Variants in BICRAL observed in about 807,000 individuals in gnomAD.
BICRAL encodes the protein BICRA like chromatin remodeling complex associated protein.
BICRAL carries 8 observed loss-of-function variants against 91.8 expected under a neutral mutation model. The observed-to-expected ratio is 0.09, with a 90% CI of 0.05 to 0.16. BICRAL has a LOEUF of 0.16. BICRAL is among the 10% of genes least tolerant of loss of function. The pLI, the probability that BICRAL is intolerant of heterozygous loss-of-function variation, is 1.00. For synonymous variants in BICRAL, 445 were observed against 491.1 expected, an observed-to-expected ratio of 0.91 and a Z score of 1.24; for missense variants, 1,038 against 1,310.9, an observed-to-expected ratio of 0.79 and a Z score of 3.21.
chr6:42,780,586 T>C (rs1262077042), upstream of BICRAL, among the ~76,000 whole-genome samples: 1 of 152,186 alleles, frequency 6.6e-6, no homozygotes, highest in African/African-American at 2.4e-5. Flanking sequence ...AAAACCTGAA[T>C]TACATTCTGT....
At chr6:42,782,679 CATTG>C (rs1410021686) in intron 1 of BICRAL, among the ~76,000 whole-genome samples, 10 of 150,562 alleles carry the variant, frequency 6.6e-5, no homozygotes, top group South Asian at 2.1e-4. Context: ...TTTAATGACT[CATTG>C]ATTGAGCCGG....
At chr6:42,860,490 C>T (rs903555049) in intron 11 of BICRAL, 134 bp downstream of exon 11, 20 of 561,848 alleles carry the variant, frequency 3.6e-5, no homozygotes, top group East Asian at 1.2e-4. Flanking sequence ...GAAAAACTTA[C>T]GCTTAGCTGC....
chr6:42,785,160 G>GTT (rs201020675), intron 1 of BICRAL, among the ~76,000 whole-genome samples: 2 of 151,128 alleles, frequency 1.3e-5, no homozygotes, highest in African/African-American at 4.9e-5. Context: ...ATCTCAGTAC[G>GTT]TTTTTTTTTA....
At chr6:42,780,211 G>A (rs1762867443), upstream of BICRAL, among the ~76,000 whole-genome samples, 1 of 152,148 alleles carries the variant, frequency 6.6e-6, no homozygotes, top group Non-Finnish European at 1.5e-5. Flanking sequence ...TGACTAAAAA[G>A]ATCTTCTGTG....
chr6:42,865,265 C>T lies in BICRAL; in HGVS notation c.3059C>T (p.Ala1020Val), dbSNP rs143003258. The change falls in exon 13 of 13, where the codon GCG becomes GTG. Residue 1020 changes from alanine (A) to valine (V), a missense_variant. Ala to Val is a moderately conservative substitution (Grantham distance 64). Transcript: ENST00000314073. ...TFKNILELKK[A>V]GRQPQSDPTV... ...AAGAACATCTTGGAACTCAAAAAGGCGGGACGGCAGCCCCAGAGTGACCCC... is the reference window on the plus strand; with the variant it reads ...AAGAACATCTTGGAACTCAAAAAGGTGGGACGGCAGCCCCAGAGTGACCCC... 1.5e-4 allele frequency: 245 copies of T among 1,614,068 alleles called. 1 individual carries two copies. The Admixed American group carries it at 3.1e-3, about 20-fold the overall frequency.
intron 5 of BICRAL, among the ~76,000 whole-genome samples, chr6:42,825,539 C>T (rs1329533583): frequency 1.3e-5 from 2 of 148,842 alleles, no homozygotes; most frequent in South Asian, 2.1e-4. Flanking sequence ...CACTTCAGCC[C>T]GGGCGACAGA....
chr6:42,831,072 C>G (rs200475771), intron 6 of BICRAL, among the ~76,000 whole-genome samples: 1 of 152,066 alleles, frequency 6.6e-6, no homozygotes, highest in African/African-American at 2.4e-5. Flanking sequence ...TACTGCCATC[C>G]CATGGAGTTA....
At chr6:42,857,695 C>T (rs1391080604) in intron 10 of BICRAL, among the ~76,000 whole-genome samples, 1 of 146,376 alleles carries the variant, frequency 6.8e-6, no homozygotes, top group Non-Finnish European at 1.5e-5. Context: ...GACAGTAAAT[C>T]CAAAGCTTTG....
At position 42,852,146 on chromosome 6, in the gene BICRAL, G is replaced by C. The variant is rs1347181842; in HGVS notation, c.1894G>C (p.Asp632His). The C allele has an allele frequency of 6.2e-7, 1 of 1,613,818 alleles. No individual in the cohort carries two copies. The highest frequency in any genetic ancestry group is 8.5e-7 in the Non-Finnish European group (1 of 1,179,794). The part of the protein sequence containing the change: ...TSPISAPKTT[D>H]GLRQAQIPGL... ...CCCCATTTCTGCTCCCAAGACCACA[G>C]ACGGCCTGAGGCAAGCACAGATCCC... Residue 632 changes from aspartate to histidine, a missense_variant, in exon 7 of 13, where the codon GAC becomes CAC. Asp to His is a moderately conservative substitution (Grantham distance 81, BLOSUM62 -1). Coordinates refer to ENST00000314073, the MANE Select transcript of BICRAL (RefSeq NM_001393499.1).
rs528470396 is a variant in BICRAL, at chr6:42,821,395, T to TA, written c.-5-622dup. On this transcript the variant is annotated intron_variant, in intron 2 of 12. Coordinates refer to ENST00000314073, the MANE Select transcript of BICRAL (RefSeq NM_001393499.1). Reference sequence around the variant, plus strand: ...TTGAGATTCTCTACTTTAAGGATTCTAGTGTTAGGATGTAGATTGTTTGGA... The same window carrying TA: ...TTGAGATTCTCTACTTTAAGGATTCTAAGTGTTAGGATGTAGATTGTTTGGA... Among the ~76,000 whole-genome samples, 1,052 of 152,256 alleles carry TA rather than the reference T, an allele frequency of 6.9e-3. 5 individuals are homozygous for TA. The highest frequency in any genetic ancestry group is 0.022 in the African/African-American group (927 of 41,562).
At chr6:42,861,867 T>C (rs1047528924) in intron 11 of BICRAL, among the ~76,000 whole-genome samples, 1 of 151,878 alleles carries the variant, frequency 6.6e-6, no homozygotes, top group East Asian at 2.0e-4. Context: ...GGTGTGGTGG[T>C]GCGTGCCTGT....
intron 11 of BICRAL, among the ~76,000 whole-genome samples, chr6:42,860,953 C>G (rs573843334): frequency 6.6e-6 from 1 of 151,320 alleles, no homozygotes; most frequent in Non-Finnish European, 1.5e-5. Context: ...ATGGAGAAAC[C>G]CCTTCTCTAC....
At position 42,855,995 on chromosome 6, in the gene BICRAL, A is replaced by G. The variant is rs550195840; in HGVS notation, c.2108+78A>G. 39 of 1,147,766 alleles carry G rather than the reference A, an allele frequency of 3.4e-5. 1 individual carries two copies. In the South Asian group the frequency reaches 4.4e-4, roughly 13 times the overall value. The allele number at this position is 1,147,766 out of a possible 1,614,324, so 71.1% of individuals were successfully genotyped here. A position where few individuals can be genotyped will look rare whatever the true frequency, so the allele number is the denominator to read the frequency against. On this transcript the variant is annotated intron_variant, in intron 9 of 12. Transcript: ENST00000314073. ...TAGCCTTCAATAAATATACCACAGA[A>G]AACAGGTTATAATAATGAGTATATT...
In BICRAL at chr6:42,830,094, T is replaced by C. The variant is rs753621216; in HGVS notation, c.1761T>C (p.Leu587=). The C allele has an allele frequency of 6.2e-7, 1 of 1,614,004 alleles. No individual in the cohort carries two copies. Among genetic ancestry groups the C allele is most frequent in the Non-Finnish European group, 8.5e-7 (1 of 1,179,974 alleles). The change falls in exon 6 of 13, where the codon CTT becomes CTC. Residue 587 remains leucine, a synonymous_variant. Coordinates refer to ENST00000314073, the MANE Select transcript of BICRAL (RefSeq NM_001393499.1). The part of the protein sequence containing the change: ...TPVPVSVSHR[L]PVSSSKSTST... ...TACCAGTCAGTGTGTCTCATCGTCT[T>C]CCAGTTTCTTCTTCCAAGTCTACCA...
chr6:42,820,657 A>G lies in BICRAL; in HGVS notation c.-5-1361A>G, dbSNP rs16896098. On this transcript the variant is annotated intron_variant, in intron 2 of 12. Transcript: ENST00000314073. ...CTCCAAGTTGAGTTCTAAAAAGCAG[A>G]TTTCACTTAGCCAGCTGCCCTTGTC... 7.1e-3 allele frequency among the ~76,000 whole-genome samples: 1,081 copies of G among 152,300 alleles called. 5 individuals are homozygous for G. The highest frequency in any genetic ancestry group is 0.023 in the African/African-American group (954 of 41,550).
chr6:42,813,442 G>T (rs1456976074), intron 2 of BICRAL, among the ~76,000 whole-genome samples: 3 of 152,134 alleles, frequency 2.0e-5, no homozygotes, highest in Admixed American at 2.0e-4. Context: ...TATCTTTAAA[G>T]AACTGAAAGG....
chr6:42,770,152 T>C (rs888022443), intron 1 of BICRAL, among the ~76,000 whole-genome samples: 1 of 152,218 alleles, frequency 6.6e-6, no homozygotes, highest in African/African-American at 2.4e-5. Flanking sequence ...CCTTTCCCCA[T>C]GTGATTTGGA....
At chr6:42,806,593 A>G (rs1331369684) in intron 1 of BICRAL, among the ~76,000 whole-genome samples, 1 of 149,888 alleles carries the variant, frequency 6.7e-6, no homozygotes, top group East Asian at 2.0e-4. Flanking sequence ...GTTCACTGCA[A>G]CCTCCACCTC....
intron 2 of BICRAL, among the ~76,000 whole-genome samples, chr6:42,817,046 C>G (rs1289474850): frequency 4.0e-5 from 6 of 151,416 alleles, no homozygotes; most frequent in African/African-American, 1.5e-4. Flanking sequence ...GTATCTTCCT[C>G]TGTTCCCCAG....
Sources: gnomAD v4.1 joint callset for allele counts (sites outside exome capture counted in the v4.1 genomes callset) on GRCh38, gnomAD v4.1.1 for gene constraint, MANE v1.5 for transcripts, NCBI Gene and HGNC (gene_info 2026-07-23, HGNC 2026-07-21) for gene names.